SGCD: variants seen among roughly 807,000 people sequenced by gnomAD.
SGCD encodes the protein sarcoglycan delta.
SGCD carries 18 observed loss-of-function variants against 36.6 expected under a neutral mutation model. The observed-to-expected ratio is 0.49, with a 90% CI of 0.34 to 0.73. SGCD has a LOEUF of 0.73. Among genes scored for constraint, SGCD ranks in the 30% least tolerant of loss-of-function variants. SGCD has a pLI of 0.01. For missense variants in SGCD, 387 were observed against 346.7 expected (o/e 1.12, Z -0.92); for synonymous variants, 133 against 130.6 (o/e 1.02, Z -0.12).
At chr5:156,006,879 T>C (rs1443647234) in intron 1 of SGCD, among the ~76,000 whole-genome samples, 1 of 152,230 alleles carries the variant, frequency 6.6e-6, no homozygotes, top group Admixed American at 6.5e-5. Flanking sequence ...CCCCCTTTTT[T>C]GGATTCTTGG....
chr5:156,601,992 A>G (rs539977120), intron 6 of SGCD, among the ~76,000 whole-genome samples: 1 of 152,090 alleles, frequency 6.6e-6, no homozygotes, highest in Admixed American at 6.6e-5. Context: ...TGTCATTGGT[A>G]TTTTTGATAG....
chr5:156,379,763 T>C (rs1770880024), intron 3 of SGCD, among the ~76,000 whole-genome samples: 1 of 152,134 alleles, frequency 6.6e-6, no homozygotes, highest in South Asian at 2.1e-4. Context: ...GAGAGGGTAG[T>C]ATTTTTAAAG....
At chr5:156,353,877 T>C (rs1024967131) in intron 3 of SGCD, among the ~76,000 whole-genome samples, 16 of 152,256 alleles carry the variant, frequency 1.1e-4, no homozygotes, top group African/African-American at 3.9e-4. Context: ...TGAAACTTCC[T>C]GTGTTTTATA....
intron 1 of SGCD, among the ~76,000 whole-genome samples, chr5:155,971,869 T>A (rs984888233): frequency 6.6e-6 from 1 of 152,288 alleles, no homozygotes; most frequent in African/African-American, 2.4e-5. Flanking sequence ...ATAGGTAAAC[T>A]GATGCTTAGA....
intron 7 of SGCD, among the ~76,000 whole-genome samples, chr5:156,711,675 T>C (rs1366600509): frequency 2.0e-5 from 3 of 152,188 alleles, no homozygotes; most frequent in Non-Finnish European, 4.4e-5. Context: ...AAATCAGCTT[T>C]TATATTTTGT....
intron 3 of SGCD, among the ~76,000 whole-genome samples, chr5:156,470,233 A>G (rs1754894755): frequency 6.6e-6 from 1 of 152,214 alleles, no homozygotes; most frequent in Non-Finnish European, 1.5e-5. Context: ...TTAGCTTCTC[A>G]GCTTACTTCT....
chr5:155,778,115 A>G, the SGCD span, among the ~76,000 whole-genome samples: 2 of 152,178 alleles, frequency 1.3e-5, no homozygotes, highest in Admixed American at 6.6e-5. Flanking sequence ...GGGGATGTCA[A>G]AAGGGCATTT....
At chr5:156,292,045 A>T (rs974623633) in intron 3 of SGCD, among the ~76,000 whole-genome samples, 2 of 152,028 alleles carry the variant, frequency 1.3e-5, no homozygotes, top group African/African-American at 2.4e-5. Context: ...CTCTGCTTCT[A>T]TGACTTTGAC....
At chr5:155,937,305 G>A (rs1757229867) in intron 1 of SGCD, among the ~76,000 whole-genome samples, 1 of 152,242 alleles carries the variant, frequency 6.6e-6, no homozygotes, top group African/African-American at 2.4e-5. Flanking sequence ...AGCTGCTCCA[G>A]GCAGGCCGCT....
At chr5:155,979,051 A>C (rs1157704199) in intron 1 of SGCD, among the ~76,000 whole-genome samples, 1 of 152,206 alleles carries the variant, frequency 6.6e-6, no homozygotes, top group Non-Finnish European at 1.5e-5. Flanking sequence ...GTCATGCAGC[A>C]CTTCACAGCT....
intron 1 of SGCD, among the ~76,000 whole-genome samples, chr5:155,879,335 C>T (rs761213118): frequency 1.3e-5 from 2 of 152,152 alleles, no homozygotes; most frequent in African/African-American, 4.8e-5. Context: ...TTTCACTTTT[C>T]GTGCAGCCAG....
intron 3 of SGCD, among the ~76,000 whole-genome samples, chr5:156,271,467 C>T (rs2127669911): frequency 6.6e-6 from 1 of 152,182 alleles, no homozygotes; most frequent in African/African-American, 2.4e-5. Context: ...GGGAGGGAAA[C>T]CATGAATTTA....
intron 7 of SGCD, among the ~76,000 whole-genome samples, chr5:156,756,786 C>T (rs896741936): frequency 2.6e-5 from 4 of 152,090 alleles, no homozygotes; most frequent in Non-Finnish European, 4.4e-5. Context: ...AATCAAGTTC[C>T]GTCACACAAA....
At chr5:155,735,681 A>T in the SGCD span, among the ~76,000 whole-genome samples, 19,415 of 152,280 alleles carry the variant, frequency 0.13, 2,034 homozygotes, top group African/African-American at 0.29. Flanking sequence ...AGCCTGCAAC[A>T]GCACAATTCC....
intron 1 of SGCD, among the ~76,000 whole-genome samples, chr5:155,948,427 C>T (rs1353385306): frequency 6.6e-6 from 1 of 152,094 alleles, no homozygotes; most frequent in African/African-American, 2.4e-5. Context: ...CTCCTGTTGC[C>T]CATGTTTATT....
At chr5:155,868,338 T>G (rs1241168322), upstream of SGCD, among the ~76,000 whole-genome samples, 1 of 150,702 alleles carries the variant, frequency 6.6e-6, no homozygotes, top group Non-Finnish European at 1.5e-5. Flanking sequence ...AGGCATGAGC[T>G]ACTGTATCCA....
chr5:156,377,725 C>A (rs1439137421), intron 3 of SGCD, among the ~76,000 whole-genome samples: 2 of 152,088 alleles, frequency 1.3e-5, no homozygotes, highest in Non-Finnish European at 1.5e-5. Context: ...TCTTTACTAC[C>A]AATAATGTCC....
intron 7 of SGCD, among the ~76,000 whole-genome samples, chr5:156,726,433 C>T (rs1202965069): frequency 1.3e-5 from 2 of 152,202 alleles, no homozygotes; most frequent in Admixed American, 6.5e-5. Flanking sequence ...TTGTGTACCA[C>T]ACTCTGCAAT....
rs72803043 is a variant in SGCD at position 156,762,803 on chromosome 5, G to C, written c.*3413G>C. On this transcript the variant is annotated 3_prime_UTR_variant, in exon 9 of 9. Transcript: ENST00000337851. ...TACTATTTAGTCCTTTACAGGCAAA[G>C]TTTCCTCACCCCTGACCTAGAGGTT... is the stretch of plus-strand genomic sequence containing the variant. 0.066 allele frequency: 10,030 copies of C among 152,362 alleles called. 470 individuals are homozygous for C. The highest frequency in any genetic ancestry group is 0.13 in the African/African-American group (5,360 of 41,538). 9.4% of individuals were successfully genotyped at this position (152,362 alleles called of 1,614,324 possible). A position where few individuals can be genotyped will look rare whatever the true frequency, so the allele number is the denominator to read the frequency against.
Sources: gnomAD v4.1 joint callset for allele counts (sites outside exome capture counted in the v4.1 genomes callset) on GRCh38, gnomAD v4.1.1 for gene constraint, MANE v1.5 for transcripts, NCBI Gene and HGNC (gene_info 2026-07-23, HGNC 2026-07-21) for gene names.